ERICH6B: variants seen among roughly 807,000 people sequenced by gnomAD.
ERICH6B encodes glutamate rich 6B, also known as glutamate-rich protein 6B.
In ERICH6B, 69 loss-of-function variants were observed where a neutral mutation model predicts 80.0. The ratio of observed to expected loss-of-function variants is 0.86; its 90% CI spans 0.71 to 1.05. ERICH6B has a LOEUF of 1.05. Among genes scored for constraint, ERICH6B ranks in the 50% least tolerant of loss-of-function variants. ERICH6B has a pLI of 0.00. For missense variants in ERICH6B, 754 were observed against 796.1 expected (o/e 0.95, Z 0.64); for synonymous variants, 283 against 291.9 (o/e 0.97, Z 0.31).
chr13:45,554,232 C>T (rs1245893606), intron 11 of ERICH6B, among the ~76,000 whole-genome samples: 1 of 152,172 alleles, frequency 6.6e-6, no homozygotes, highest in East Asian at 1.9e-4. Flanking sequence ...ACTTTCTGTG[C>T]CTGGCTTCTT....
At chr13:45,562,673 A>C (rs1028710378) in intron 10 of ERICH6B, among the ~76,000 whole-genome samples, 7 of 152,138 alleles carry the variant, frequency 4.6e-5, no homozygotes, top group Non-Finnish European at 7.4e-5. Context: ...CATGGGAGGG[A>C]ACTTAACCGG....
chr13:45,544,395 T>A (rs146229335), intron 14 of ERICH6B, among the ~76,000 whole-genome samples: 2,324 of 151,826 alleles, frequency 0.015, 71 homozygotes, highest in African/African-American at 0.053. Context: ...TAATTTTAAA[T>A]TTTTTTTGTG....
chr13:45,564,298 C>G (rs1391236549), intron 9 of ERICH6B, among the ~76,000 whole-genome samples: 1 of 152,230 alleles, frequency 6.6e-6, no homozygotes. Context: ...TTTTCTCCCT[C>G]TCATGTTAAC....
intron 8 of ERICH6B, among the ~76,000 whole-genome samples, chr13:45,574,147 C>G (rs184617190): frequency 7.2e-5 from 11 of 152,158 alleles, no homozygotes; most frequent in Admixed American, 6.5e-4. Flanking sequence ...TCCAGAGACA[C>G]AAGATTTCAT....
rs1240013926 is a variant in ERICH6B at position 45,541,426 on chromosome 13, C to T, written c.*36G>A. 3.3e-6 allele frequency: 5 copies of T among 1,534,946 alleles called. No homozygotes were observed. The highest frequency in any genetic ancestry group is 2.0e-5 in the Admixed American group (1 of 50,718). ...CTGGAGCTCCCAAGGTCTCCAACTT[C>T]CTAAGGCATTTGGTGGATGCCAGAT... On this transcript the variant is annotated 3_prime_UTR_variant, in exon 15 of 15. Coordinates refer to ENST00000298738, the MANE Select transcript of ERICH6B (RefSeq NM_182542.3).
At chr13:45,545,021 GCTCAGCCCTGGGC>G in intron 13 of ERICH6B, 36 bp from the exon 14 acceptor site, 1 of 1,501,172 alleles carries the variant, frequency 6.7e-7, no homozygotes, top group Non-Finnish European at 9.1e-7. Context: ...CAGCCAGGGC[GCTCAGCCCTGGGC>G]CTCTGCTCCT....
chr13:45,551,930 A>G (rs1428845991), intron 11 of ERICH6B, among the ~76,000 whole-genome samples: 1 of 152,174 alleles, frequency 6.6e-6, no homozygotes, highest in Non-Finnish European at 1.5e-5. Context: ...TGTTCATTGT[A>G]AACTACCCAG....
chr13:45,579,773 G>C (rs1397112742), intron 7 of ERICH6B, among the ~76,000 whole-genome samples, 160 bp downstream of exon 7: 1 of 152,116 alleles, frequency 6.6e-6, no homozygotes, highest in Non-Finnish European at 1.5e-5. Context: ...CCTCCTTCTT[G>C]AGGAGGTTTG....
Position 45,614,051 on chromosome 13 carries a change from A to G in ERICH6B, c.-111+1634T>C, listed in dbSNP as rs540899114. Among the ~76,000 whole-genome samples, 407 of 152,292 alleles carry G rather than the reference A, an allele frequency of 2.7e-3. 1 individual carries two copies. Among genetic ancestry groups the G allele is most frequent in the African/African-American group, 9.5e-3 (394 of 41,558 alleles). On this transcript the variant is annotated intron_variant, in intron 1 of 14. Transcript: ENST00000298738. Reference sequence around the variant, plus strand: ...GCTTCACCCTGTCTGCTGGTGCAAGAGAAGCCTTGAGCTTCGGTAGACAGT... The same window carrying G: ...GCTTCACCCTGTCTGCTGGTGCAAGGGAAGCCTTGAGCTTCGGTAGACAGT...
chr13:45,552,314 C>T (rs1248147619), intron 11 of ERICH6B, among the ~76,000 whole-genome samples: 1 of 152,086 alleles, frequency 6.6e-6, no homozygotes, highest in Non-Finnish European at 1.5e-5. Flanking sequence ...CCCCTGTCCC[C>T]ATGTTGGTGG....
intron 4 of ERICH6B, 32 bp from the exon 5 acceptor site, chr13:45,587,264 C>T: frequency 6.5e-7 from 1 of 1,548,918 alleles, no homozygotes; most frequent in Non-Finnish European, 8.7e-7. Flanking sequence ...AGGTCAACTT[C>T]CAGACAGGGG....
At chr13:45,580,070 C>G in intron 6 of ERICH6B, 96 bp from the exon 7 acceptor site, 1 of 1,058,980 alleles carries the variant, frequency 9.4e-7, no homozygotes, top group Non-Finnish European at 1.4e-6. Flanking sequence ...AAATCATCTC[C>G]TAGATATCTG....
At chr13:45,545,091 GAC>G in intron 13 of ERICH6B, 106 bp from the exon 14 acceptor site, 1 of 944,324 alleles carries the variant, frequency 1.1e-6, no homozygotes, top group Non-Finnish European at 1.6e-6. Context: ...CAGAAAGACT[GAC>G]AGGGACTTGA....
intron 3 of ERICH6B, among the ~76,000 whole-genome samples, chr13:45,593,148 C>T (rs1215634592): frequency 1.3e-5 from 2 of 152,158 alleles, no homozygotes; most frequent in Non-Finnish European, 2.9e-5. Context: ...TACTGGATTT[C>T]CCCATAAACT....
intron 1 of ERICH6B, among the ~76,000 whole-genome samples, chr13:45,608,653 A>T (rs1404618274): frequency 6.6e-6 from 1 of 152,204 alleles, no homozygotes; most frequent in African/African-American, 2.4e-5. Flanking sequence ...AAGAAAATAA[A>T]TTACGCTTTC....
intron 9 of ERICH6B, among the ~76,000 whole-genome samples, chr13:45,565,708 G>A (rs954488815): frequency 5.3e-5 from 8 of 152,204 alleles, no homozygotes; most frequent in African/African-American, 1.9e-4. Context: ...GGCCTCCCCA[G>A]CCATGTGGAA....
At chr13:45,552,158 G>A (rs573613178) in intron 11 of ERICH6B, among the ~76,000 whole-genome samples, 1 of 152,284 alleles carries the variant, frequency 6.6e-6, no homozygotes, top group African/African-American at 2.4e-5. Flanking sequence ...TACTATTCTT[G>A]ATTAAAATGC....
intron 5 of ERICH6B, 136 bp downstream of exon 5, chr13:45,586,927 G>A (rs1455673852): frequency 2.3e-5 from 23 of 980,336 alleles, no homozygotes; most frequent in African/African-American, 3.3e-5. Context: ...AGACCTCAGA[G>A]GGCAACAGAA....
chr13:45,608,753 C>A (rs554520528), intron 1 of ERICH6B, among the ~76,000 whole-genome samples: 3 of 152,182 alleles, frequency 2.0e-5, no homozygotes, highest in Non-Finnish European at 4.4e-5. Flanking sequence ...ATATGTGACA[C>A]AAGGATGAGA....
Sources: allele counts gnomAD v4.1 joint callset (sites outside exome capture counted in the v4.1 genomes callset), GRCh38; gene constraint gnomAD v4.1.1; transcripts MANE v1.5; gene names NCBI Gene and HGNC (gene_info 2026-07-23, HGNC 2026-07-21).